Variants in ELF2 observed in about 807,000 individuals in gnomAD.
ELF2 encodes the protein E74 like ETS transcription factor 2, also known as ETS-related transcription factor Elf-2.
In ELF2, 11 loss-of-function variants were observed where a neutral mutation model predicts 54.8. That is an observed-to-expected ratio of 0.20 (90% CI 0.13 to 0.33). The LOEUF (loss-of-function observed/expected upper bound fraction) is 0.33. ELF2 is among the 10% of genes least tolerant of loss of function. ELF2 has a pLI of 1.00. For missense variants in ELF2, 513 were observed against 703.0 expected (o/e 0.73, Z 3.06); for synonymous variants, 203 against 245.1 (o/e 0.83, Z 1.61).
intron 4 of ELF2, among the ~76,000 whole-genome samples, chr4:139,102,579 G>A (rs1225323545): frequency 2.0e-5 from 3 of 150,304 alleles, no homozygotes; most frequent in African/African-American, 4.9e-5. Flanking sequence ...GCTGGCTCAC[G>A]CCAGAATTCC....
chr4:139,130,510 CT>C (rs1481124113), intron 3 of ELF2, among the ~76,000 whole-genome samples: 1 of 152,062 alleles, frequency 6.6e-6, no homozygotes, highest in Non-Finnish European at 1.5e-5. Context: ...TTTTCATCTA[CT>C]GAAGGCTTTT....
At chr4:139,091,945 A>C (rs1174901097) in intron 4 of ELF2, among the ~76,000 whole-genome samples, 1 of 149,176 alleles carries the variant, frequency 6.7e-6, no homozygotes, top group Non-Finnish European at 1.5e-5. Flanking sequence ...ACACATATAT[A>C]TACACACATA....
At chr4:139,160,486 T>C (rs1194226786) in intron 1 of ELF2, among the ~76,000 whole-genome samples, 2 of 152,100 alleles carry the variant, frequency 1.3e-5, no homozygotes, top group Non-Finnish European at 2.9e-5. Flanking sequence ...TCGATGGTAG[T>C]GATGAGGAAG....
chr4:139,133,102 T>C (rs1737714860), intron 3 of ELF2, among the ~76,000 whole-genome samples: 1 of 151,896 alleles, frequency 6.6e-6, no homozygotes, highest in Admixed American at 6.6e-5. Flanking sequence ...TTTGTATTTT[T>C]AGTACAGACG....
chr4:139,138,078 A>C (rs1313613619), intron 2 of ELF2, among the ~76,000 whole-genome samples: 1 of 152,206 alleles, frequency 6.6e-6, no homozygotes, highest in Non-Finnish European at 1.5e-5. Context: ...AGTTCTTAAC[A>C]AGCAATTGTA....
intron 1 of ELF2, among the ~76,000 whole-genome samples, chr4:139,160,796 C>A (rs1484336729): frequency 1.3e-5 from 2 of 151,908 alleles, no homozygotes; most frequent in African/African-American, 4.8e-5. Flanking sequence ...AACCCCGACT[C>A]TACTAAAAAT....
intron 4 of ELF2, among the ~76,000 whole-genome samples, chr4:139,090,300 G>A (rs1481954879): frequency 1.3e-5 from 2 of 152,134 alleles, no homozygotes; most frequent in Non-Finnish European, 1.5e-5. Flanking sequence ...GCAGAGTTAC[G>A]ATTTTTCTCA....
chr4:139,143,561 G>A (rs1240109816), intron 1 of ELF2, among the ~76,000 whole-genome samples: 1 of 152,194 alleles, frequency 6.6e-6, no homozygotes, highest in Admixed American at 6.5e-5. Flanking sequence ...GGTGGGCCAA[G>A]ATCACTTGAG....
Position 139,067,852 on chromosome 4 carries a change from A to G in ELF2, c.527-82T>C, listed in dbSNP as rs1396534767. 24 of 1,320,992 alleles carry G rather than the reference A, an allele frequency of 1.8e-5. 1 individual carries two copies. Among genetic ancestry groups the G allele is most frequent in the Non-Finnish European group, 2.4e-5 (23 of 952,838 alleles). 81.8% of individuals were successfully genotyped at this position (1,320,992 alleles called of 1,614,324 possible). ...CGATTAGCAGACTTTCTGATTACAC[A>G]TTATTCATTTAAATGGATACTAATT... On this transcript the variant is annotated intron_variant, in intron 6 of 9. Coordinates refer to ENST00000686138, the MANE Select transcript of ELF2 (RefSeq NM_001331036.3).
intron 4 of ELF2, among the ~76,000 whole-genome samples, chr4:139,121,130 A>G (rs1461849417): frequency 1.1e-5 from 1 of 91,002 alleles, no homozygotes; most frequent in Non-Finnish European, 1.9e-5. Flanking sequence ...TTTTTTTGAG[A>G]CGGAGTCTTG....
Position 139,059,200 on chromosome 4 carries a change from G to A in ELF2, c.1565C>T (p.Pro522Leu). ...MPTQQASGQT[P>L]PRVISAVIKG... ...TATGACTGCACTGATAACTCGAGGAGGAGTCTGGCCAGATGCCTGCTGAGT... is the reference window on the plus strand; with the variant it reads ...TATGACTGCACTGATAACTCGAGGAAGAGTCTGGCCAGATGCCTGCTGAGT... Residue 522 changes from proline to leucine, a missense_variant, in exon 10 of 10, where the codon CCT becomes CTT. This residue lies in a region of ELF2 where 291 missense variants were observed against 366.1 expected (regional missense o/e 0.79). Transcript: ENST00000686138. 1.2e-6 allele frequency: 2 copies of A among 1,613,952 alleles called. No individual in the cohort carries two copies. The highest frequency in any genetic ancestry group is 1.7e-6 in the Non-Finnish European group (2 of 1,179,876).
intron 1 of ELF2, among the ~76,000 whole-genome samples, chr4:139,174,980 T>C (rs1450298828): frequency 2.0e-5 from 3 of 152,166 alleles, no homozygotes; most frequent in Non-Finnish European, 2.9e-5. Flanking sequence ...AGGAAGGCCC[T>C]AGAACAAATC....
intron 1 of ELF2, among the ~76,000 whole-genome samples, chr4:139,147,248 A>C (rs961967644): frequency 1.3e-5 from 2 of 152,256 alleles, no homozygotes; most frequent in African/African-American, 4.8e-5. Flanking sequence ...ATTTCTCAAA[A>C]GAAGATATAC....
intron 4 of ELF2, among the ~76,000 whole-genome samples, chr4:139,078,691 A>C (rs1185494354): frequency 6.6e-6 from 1 of 151,804 alleles, no homozygotes; most frequent in Non-Finnish European, 1.5e-5. Context: ...TCTTAGCTAC[A>C]TTTTAAGTAC....
intron 3 of ELF2, among the ~76,000 whole-genome samples, chr4:139,128,255 C>G (rs898217891): frequency 6.7e-6 from 1 of 148,532 alleles, no homozygotes; most frequent in African/African-American, 2.5e-5. Context: ...AGCCTGGCAA[C>G]TGAGAACAAG....
At chr4:139,122,781 G>A (rs1454313172) in intron 4 of ELF2, among the ~76,000 whole-genome samples, 1 of 151,726 alleles carries the variant, frequency 6.6e-6, no homozygotes, top group Non-Finnish European at 1.5e-5. Context: ...GATCACAGGT[G>A]TGAGCTACCA....
chr4:139,094,726 T>C (rs1405477594), intron 4 of ELF2, among the ~76,000 whole-genome samples: 5 of 21,332 alleles, frequency 2.3e-4, no homozygotes, highest in African/African-American at 4.3e-4. Context: ...GGGAGAAAGA[T>C]AAGACTTGTG....
chr4:139,170,621 A>C (rs1560894539), intron 1 of ELF2, among the ~76,000 whole-genome samples: 4 of 150,792 alleles, frequency 2.7e-5, no homozygotes. Context: ...TTGGCAGATC[A>C]TGTATCTACT....
At chr4:139,163,952 G>A (rs1161446753) in intron 1 of ELF2, among the ~76,000 whole-genome samples, 1 of 143,958 alleles carries the variant, frequency 6.9e-6, no homozygotes, top group Non-Finnish European at 1.5e-5. Context: ...GGAGGGGTGA[G>A]AAAGAGAAAA....
Sources: gnomAD v4.1 joint callset for allele counts (sites outside exome capture counted in the v4.1 genomes callset) on GRCh38, gnomAD v4.1.1 for gene constraint, gnomAD v4.1.1 regional missense constraint, MANE v1.5 for transcripts, NCBI Gene and HGNC (gene_info 2026-07-23, HGNC 2026-07-21) for gene names.